LCNL1: variants seen among roughly 807,000 people sequenced by gnomAD.
The protein encoded by LCNL1 is lipocalin like 1.
In LCNL1, 11 loss-of-function variants were observed where a neutral mutation model predicts 7.9. That is an observed-to-expected ratio of 1.40 (90% CI 0.88 to 2.32). The LOEUF (loss-of-function observed/expected upper bound fraction) is 2.32, where lower values mean the gene tolerates loss of function less well. Ranked by LOEUF, LCNL1 falls within the 30% of genes most tolerant of loss-of-function variation. LCNL1 has a pLI of 0.00. For missense variants in LCNL1, 218 were observed against 217.0 expected (o/e 1.00, Z -0.03); for synonymous variants, 90 against 92.5 (o/e 0.97, Z 0.15).
rs1321608084 is a variant in LCNL1, at chr9:136,983,413, T to C, written c.-174T>C. The C allele has an allele frequency of 2.1e-5, 15 of 727,376 alleles. No homozygotes were observed. The highest frequency in any genetic ancestry group is 3.2e-5 in the Non-Finnish European group (14 of 431,432). 45.1% of individuals were successfully genotyped at this position (727,376 alleles called of 1,614,324 possible). A position where few individuals can be genotyped will look rare whatever the true frequency, so the allele number is the denominator to read the frequency against. On this transcript the variant is annotated 5_prime_UTR_variant, in exon 1 of 3. Coordinates refer to ENST00000408973, the MANE Select transcript of LCNL1 (RefSeq NM_207510.4). ...GGCTGGTGGGGGCCAGTTGCTCATG[T>C]ACTGAGGCCCCCCTCCCTCAGTTCT... is the stretch of plus-strand genomic sequence containing the variant.
intron 1 of LCNL1, 172 bp downstream of exon 1, chr9:136,983,880 C>T: frequency 1.2e-6 from 1 of 817,732 alleles, no homozygotes; most frequent in Non-Finnish European, 1.9e-6. Flanking sequence ...TCCAGAGGGA[C>T]CCAGGCCCTG....
At chr9:136,984,400 G>C in intron 1 of LCNL1, 90 bp from the exon 2 acceptor site, 2 of 1,215,142 alleles carry the variant, frequency 1.6e-6, no homozygotes, top group Non-Finnish European at 2.2e-6. Context: ...GTGAACAGGG[G>C]ACCCTGGGCT....
Position 136,983,389 on chromosome 9 carries a change from G to T in LCNL1, c.-198G>T. On this transcript the variant is annotated 5_prime_UTR_variant, in exon 1 of 3. Transcript: ENST00000408973. ...CCAGCTGCAGACAGGCCGGTGCTGG[G>T]CTGGTGGGGGCCAGTTGCTCATGTA... The T allele has an allele frequency of 1.6e-6, 1 of 609,274 alleles. No individual in the cohort carries two copies. Among genetic ancestry groups the T allele is most frequent in the Non-Finnish European group, 2.9e-6 (1 of 343,208 alleles). 37.7% of individuals were successfully genotyped at this position (609,274 alleles called of 1,614,324 possible).
intron 2 of LCNL1, 50 bp from the exon 3 acceptor site, chr9:136,984,663 T>C: frequency 3.3e-6 from 5 of 1,511,168 alleles, no homozygotes; most frequent in Non-Finnish European, 4.4e-6. Context: ...GGTGCCACGC[T>C]CGGGGGGGAG....
chr9:136,984,021 CGTGT>C (rs1447533234), intron 1 of LCNL1: 7 of 427,288 alleles, frequency 1.6e-5, no homozygotes, highest in Non-Finnish European at 3.0e-5. Context: ...TCTGTGTGTG[CGTGT>C]GTATGCATGT....
rs77874259 is a variant in LCNL1 at position 136,984,760 on chromosome 9, T to C, written c.244T>C (p.Phe82Leu). Reference sequence around the variant, plus strand: ...AGTGGCCTTCTCCGACTACCAGCACTTTGCCTTGCTGTACTTGGAGATGCG... The same window carrying C: ...AGTGGCCTTCTCCGACTACCAGCACCTTGCCTTGCTGTACTTGGAGATGCG... ...IRVAFSDYQH[F>L]ALLYLEMRKG... The change falls in exon 3 of 3, where the codon TTT becomes CTT. Residue 82 changes from phenylalanine (F) to leucine (L), a missense_variant. Coordinates refer to ENST00000408973, the MANE Select transcript of LCNL1 (RefSeq NM_207510.4). 1 of 1,553,512 alleles carries C rather than the reference T, an allele frequency of 6.4e-7. No homozygotes were observed. Among genetic ancestry groups the C allele is most frequent in the African/African-American group, 1.4e-5 (1 of 72,934 alleles).
At chr9:136,984,615 T>C (rs2049042) in intron 2 of LCNL1, 52 bp downstream of exon 2, 1,515,093 of 1,515,674 alleles carry the variant, frequency 1, 757,257 homozygotes, top group Non-Finnish European at 1. Flanking sequence ...GGAGGCTGCA[T>C]GGACTGCTGG....
At position 136,985,129 on chromosome 9, in the gene LCNL1, C is replaced by G. The variant is rs903554119; in HGVS notation, c.*118C>G. 10 of 1,081,342 alleles carry G rather than the reference C, an allele frequency of 9.2e-6. No individual in the cohort carries two copies. The Admixed American group carries it at 2.1e-4, about 23-fold the overall frequency. The allele number at this position is 1,081,342 out of a possible 1,614,324, so 67.0% of individuals were successfully genotyped here. ...AGCCCCAGCCAGGGCGTCCTGCTGCCGAAGTCGGGTGAGCGGTGCCGGCAG... is the reference window on the plus strand; with the variant it reads ...AGCCCCAGCCAGGGCGTCCTGCTGCGGAAGTCGGGTGAGCGGTGCCGGCAG... On this transcript the variant is annotated 3_prime_UTR_variant, in exon 3 of 3. Transcript: ENST00000408973.
rs575225001 is a variant in LCNL1, at chr9:136,983,566, C to A, written c.-21C>A. ...CCCAGCCTTCCCTGCACTTGCCCTGCAGTTCCAGGGCACCTGGTACATGGT... is the reference window on the plus strand; with the variant it reads ...CCCAGCCTTCCCTGCACTTGCCCTGAAGTTCCAGGGCACCTGGTACATGGT... On this transcript the variant is annotated 5_prime_UTR_variant, in exon 1 of 3. An upstream open reading frame in the 5' UTR gains an earlier in-frame stop. Coordinates refer to ENST00000408973, the MANE Select transcript of LCNL1 (RefSeq NM_207510.4). 3.7e-5 allele frequency: 59 copies of A among 1,610,366 alleles called. 1 individual carries two copies. The South Asian group carries it at 5.3e-4, about 14-fold the overall frequency.
chr9:136,983,854 T>G, intron 1 of LCNL1, 146 bp downstream of exon 1: 2 of 1,168,714 alleles, frequency 1.7e-6, no homozygotes, highest in Non-Finnish European at 1.2e-6. Flanking sequence ...GAGCCCCAGA[T>G]GGCAGCCACA....
At chr9:136,983,970 G>A (rs779626729) in intron 1 of LCNL1, 10 of 500,704 alleles carry the variant, frequency 2.0e-5, no homozygotes, top group Non-Finnish European at 3.3e-5. Flanking sequence ...GTATGTGGCT[G>A]TGTCTCTGTG....
At chr9:136,983,944 CTGTG>C (rs1830468337) in intron 1 of LCNL1, 1 of 541,888 alleles carries the variant, frequency 1.8e-6, no homozygotes, top group African/African-American at 1.9e-5. Context: ...ATGTCTGTGT[CTGTG>C]TGTGTATCAC....
rs1053553657 is a variant in LCNL1, at chr9:136,985,049, G to C, written c.*38G>C. Reference sequence around the variant, plus strand: ...CCCCACCTTCAGCTCGAGCGCCCGAGCTGTTTCCCGAAGGCGCCCAGAAGA... The same window carrying C: ...CCCCACCTTCAGCTCGAGCGCCCGACCTGTTTCCCGAAGGCGCCCAGAAGA... On this transcript the variant is annotated 3_prime_UTR_variant, in exon 3 of 3. Coordinates refer to ENST00000408973, the MANE Select transcript of LCNL1 (RefSeq NM_207510.4). The C allele has an allele frequency of 4.9e-6, 7 of 1,431,468 alleles. No individual in the cohort carries two copies. The highest frequency in any genetic ancestry group is 6.5e-6 in the Non-Finnish European group (7 of 1,083,558). 88.7% of individuals were successfully genotyped at this position (1,431,468 alleles called of 1,614,324 possible).
chr9:136,983,473 C>G lies in LCNL1; in HGVS notation c.-114C>G. The G allele has an allele frequency of 1.5e-6, 2 of 1,332,666 alleles. No homozygotes were observed. The highest frequency in any genetic ancestry group is 2.3e-5 in the East Asian group (1 of 42,788). 82.6% of individuals were successfully genotyped at this position (1,332,666 alleles called of 1,614,324 possible). ...TCGAGATGTGTACAGCAGCCCCTGC[C>G]GTGGCCAGGAAGCAGCTGTGTCGGG... On this transcript the variant is annotated 5_prime_UTR_variant, in exon 1 of 3. Transcript: ENST00000408973.
chr9:136,984,478 C>T lies in LCNL1; in HGVS notation c.123-12C>T, dbSNP rs746426273. On this transcript the variant is annotated splice_polypyrimidine_tract_variant and intron_variant, in intron 1 of 2. Transcript: ENST00000408973. ...GGTGGCCACTCAGGGGATTGGGGCT[C>T]TTTCTCCCCAGGCCCCATGGCGGGT... 7.1e-6 allele frequency: 11 copies of T among 1,554,126 alleles called. No homozygotes were observed. Among genetic ancestry groups the T allele is most frequent in the South Asian group, 6.0e-5 (5 of 83,340 alleles).
rs1206281831 is a variant in LCNL1 at position 136,985,070 on chromosome 9, G to A, written c.*59G>A. On this transcript the variant is annotated 3_prime_UTR_variant, in exon 3 of 3. Coordinates refer to ENST00000408973, the MANE Select transcript of LCNL1 (RefSeq NM_207510.4). ...CCGAGCTGTTTCCCGAAGGCGCCCA[G>A]AAGATGCAGCTACTGGCGCCCCAAG... 3.1e-5 allele frequency: 44 copies of A among 1,407,204 alleles called. No homozygotes were observed. The highest frequency in any genetic ancestry group is 4.0e-5 in the Non-Finnish European group (42 of 1,061,448). 87.2% of individuals were successfully genotyped at this position (1,407,204 alleles called of 1,614,324 possible).
intron 1 of LCNL1, 178 bp from the exon 2 acceptor site, chr9:136,984,312 T>C: frequency 1.8e-6 from 1 of 567,534 alleles, no homozygotes; most frequent in Non-Finnish European, 3.0e-6. Context: ...AGGTACTTAA[T>C]ACCCACCCCA....
At chr9:136,984,459 C>T in intron 1 of LCNL1, 31 bp from the exon 2 acceptor site, 1 of 1,527,408 alleles carries the variant, frequency 6.5e-7, no homozygotes, top group Non-Finnish European at 8.8e-7. Flanking sequence ...CAGGGGTGGC[C>T]ACTCAGGGGA....
At position 136,984,838 on chromosome 9, in the gene LCNL1, G is replaced by A; in HGVS notation, c.322G>A (p.Gly108Arg). The A allele has an allele frequency of 1.3e-6, 2 of 1,569,064 alleles. No homozygotes were observed. The highest frequency in any genetic ancestry group is 1.3e-5 in the African/African-American group (1 of 74,204). The change falls in exon 3 of 3, where the codon GGG becomes AGG. Residue 108 changes from glycine (G) to arginine (R), a missense_variant. Gly to Arg is a moderately radical substitution (Grantham distance 125). Transcript: ENST00000408973. ...WLQLYGGRAA[G>R]RRPRHPRFGS... ...GCAGCTCTACGGTGGGCGGGCTGCG[G>A]GGCGGAGACCCAGACACCCCCGCTT...
Sources: allele counts gnomAD v4.1 joint callset, GRCh38; gene constraint gnomAD v4.1.1; transcripts MANE v1.5; gene names NCBI Gene and HGNC (gene_info 2026-07-23, HGNC 2026-07-21).